CHN2: variants seen among roughly 807,000 people sequenced by gnomAD.
CHN2 encodes the protein beta-chimaerin.
A neutral mutation model predicts 56.3 loss-of-function variants in CHN2; 35 were observed. That is an observed-to-expected ratio of 0.62 (90% CI 0.47 to 0.82). The LOEUF (loss-of-function observed/expected upper bound fraction) is 0.82, where lower values mean the gene tolerates loss of function less well. Ranked by LOEUF, CHN2 falls within the 40% of genes least tolerant of loss-of-function variation. The pLI is 0.00. For missense variants in CHN2, 491 were observed against 580.5 expected (o/e 0.85, Z 1.58); for synonymous variants, 210 against 212.8 (o/e 0.99, Z 0.12).
chr7:29,178,902 TTACAAAC>T (rs1016414944), intron 2 of CHN2, among the ~76,000 whole-genome samples: 4 of 152,196 alleles, frequency 2.6e-5, no homozygotes, highest in African/African-American at 9.6e-5. Context: ...TAAAGAGTTA[TTACAAAC>T]TAATAAAAAG....
intron 2 of CHN2, among the ~76,000 whole-genome samples, chr7:29,358,932 C>T (rs1798526914): frequency 6.6e-6 from 1 of 152,176 alleles, no homozygotes; most frequent in African/African-American, 2.4e-5. Flanking sequence ...GTGTATATTT[C>T]TTCTTTTCTT....
intron 1 of CHN2, among the ~76,000 whole-genome samples, chr7:29,207,968 A>G (rs1784645708): frequency 6.6e-6 from 1 of 152,220 alleles, no homozygotes; most frequent in African/African-American, 2.4e-5. Context: ...GTGATTATAA[A>G]TAGTAAATTT....
chr7:29,354,801 A>C (rs1390330707), intron 2 of CHN2, 138 bp downstream of exon 2: 1 of 736,236 alleles, frequency 1.4e-6, no homozygotes, highest in African/African-American at 1.8e-5. Flanking sequence ...TCCACTGAGG[A>C]AAAAGATTAG....
At chr7:29,268,061 A>G (rs956634308) in intron 1 of CHN2, among the ~76,000 whole-genome samples, 1 of 152,026 alleles carries the variant, frequency 6.6e-6, no homozygotes, top group African/African-American at 2.4e-5. Flanking sequence ...TATTTTTCCT[A>G]TATATGTGTT....
At chr7:29,174,942 T>A (rs1466137591) in intron 2 of CHN2, among the ~76,000 whole-genome samples, 2 of 151,984 alleles carry the variant, frequency 1.3e-5, no homozygotes, top group Non-Finnish European at 2.9e-5. Context: ...AACAAAATTC[T>A]ATAAATGAAA....
At chr7:29,411,877 C>G (rs987674010) in intron 6 of CHN2, among the ~76,000 whole-genome samples, 2 of 152,142 alleles carry the variant, frequency 1.3e-5, no homozygotes, top group Non-Finnish European at 2.9e-5. Context: ...GCTGGCAGTT[C>G]ATTGCTGCCT....
chr7:29,147,166 G>A (rs995487795), intron 2 of CHN2: 1 of 676,588 alleles, frequency 1.5e-6, no homozygotes, highest in Non-Finnish European at 2.4e-6. Context: ...CAGGTGCTGG[G>A]CATCGAGCCA....
intron 6 of CHN2, among the ~76,000 whole-genome samples, chr7:29,402,610 G>C (rs1802308234): frequency 6.6e-6 from 1 of 152,190 alleles, no homozygotes; most frequent in African/African-American, 2.4e-5. Context: ...TTATATTTCT[G>C]AATCAGAGAG....
At chr7:29,440,797 C>T (rs989831676) in intron 6 of CHN2, among the ~76,000 whole-genome samples, 2 of 151,898 alleles carry the variant, frequency 1.3e-5, no homozygotes, top group Admixed American at 6.6e-5. Context: ...TATCCAAACC[C>T]GTCATCAAAA....
intron 6 of CHN2, among the ~76,000 whole-genome samples, chr7:29,436,436 G>A (rs747381468): frequency 6.6e-6 from 1 of 152,072 alleles, no homozygotes; most frequent in African/African-American, 2.4e-5. Flanking sequence ...GAATATTGAT[G>A]GGAAAAAAGC....
At chr7:29,203,121 A>G (rs555654421) in intron 1 of CHN2, among the ~76,000 whole-genome samples, 2 of 152,326 alleles carry the variant, frequency 1.3e-5, no homozygotes, top group Non-Finnish European at 2.9e-5. Flanking sequence ...AAAAAATATA[A>G]AATATCTGAC....
chr7:29,307,642 T>C (rs1794275502), intron 1 of CHN2, among the ~76,000 whole-genome samples: 1 of 152,110 alleles, frequency 6.6e-6, no homozygotes, highest in Admixed American at 6.5e-5. Flanking sequence ...CAGAGAGTCA[T>C]TGAAGGATGC....
intron 1 of CHN2, among the ~76,000 whole-genome samples, chr7:29,336,604 T>A (rs994327531): frequency 2.7e-5 from 4 of 148,684 alleles, no homozygotes; most frequent in South Asian, 2.2e-4. Flanking sequence ...CAAAAAAAAA[T>A]TTTTAATTAG....
chr7:29,511,817 CAA>C (rs1410140366), intron 12 of CHN2, among the ~76,000 whole-genome samples: 2 of 142,630 alleles, frequency 1.4e-5, no homozygotes, highest in Non-Finnish European at 3.1e-5. Context: ...GTTGTGAAAA[CAA>C]AACTCTGGGA....
At chr7:29,434,713 G>T (rs1190542847) in intron 6 of CHN2, among the ~76,000 whole-genome samples, 1 of 152,170 alleles carries the variant, frequency 6.6e-6, no homozygotes, top group Non-Finnish European at 1.5e-5. Context: ...AGGTACTGGG[G>T]TTGAATATAT....
chr7:29,153,318 G>T (rs1268671367), intron 2 of CHN2, among the ~76,000 whole-genome samples: 1 of 152,094 alleles, frequency 6.6e-6, no homozygotes, highest in Non-Finnish European at 1.5e-5. Context: ...GTTGACCCTT[G>T]AACGCATGTG....
At chr7:29,474,938 A>C (rs2128534009) in intron 6 of CHN2, among the ~76,000 whole-genome samples, 1 of 152,270 alleles carries the variant, frequency 6.6e-6, no homozygotes, top group Middle Eastern at 3.4e-3. Context: ...TGAACCTCTA[A>C]GGTCCCTTCT....
In CHN2 at chr7:29,436,421, C is replaced by T. The variant is rs548654092; in HGVS notation, c.576+35593C>T. 5.3e-5 allele frequency among the ~76,000 whole-genome samples: 8 copies of T among 152,172 alleles called. No homozygotes were observed. The South Asian group carries it at 6.2e-4, about 12-fold the overall frequency. ...TTGAATATTGATTATTTGAATATTA[C>T]GCTTGAATATTGATGGGAAAAAAGC... On this transcript the variant is annotated intron_variant, in intron 6 of 12. Transcript: ENST00000222792.
intron 1 of CHN2, among the ~76,000 whole-genome samples, chr7:29,233,091 T>C (rs186254108): frequency 1.3e-5 from 2 of 152,360 alleles, no homozygotes; most frequent in East Asian, 3.9e-4. Flanking sequence ...TAGTACAGGT[T>C]CAGAGCTCAG....
Sources: gnomAD v4.1 joint callset for allele counts (sites outside exome capture counted in the v4.1 genomes callset) on GRCh38, gnomAD v4.1.1 for gene constraint, MANE v1.5 for transcripts, NCBI Gene and HGNC (gene_info 2026-07-23, HGNC 2026-07-21) for gene names.